Variants in PHLDB3 observed in about 807,000 individuals in gnomAD.
The protein encoded by PHLDB3 is pleckstrin homology like domain family B member 3.
PHLDB3 carries 86 observed loss-of-function variants against 85.7 expected under a neutral mutation model. The observed-to-expected ratio is 1.00, with a 90% CI of 0.84 to 1.20. The LOEUF (loss-of-function observed/expected upper bound fraction) is 1.20. Among genes scored for constraint, PHLDB3 ranks in the 50% most tolerant of loss-of-function variants. The pLI, the probability that PHLDB3 is intolerant of heterozygous loss-of-function variation, is 0.00. For missense variants in PHLDB3, 995 were observed against 873.0 expected, an observed-to-expected ratio of 1.14 and a Z score of -1.76; for synonymous variants, 376 against 349.8, an observed-to-expected ratio of 1.07 and a Z score of -0.83.
At chr19:43,477,278 T>TG (rs1233222917) in intron 15 of PHLDB3, among the ~76,000 whole-genome samples, 1 of 148,276 alleles carries the variant, frequency 6.7e-6, no homozygotes, top group African/African-American at 2.6e-5. Context: ...CCGAGCACTT[T>TG]GGGGGGCCAA....
rs1422169676 is a variant in PHLDB3 at position 43,486,340 on chromosome 19, A to G, written c.1429-18T>C. The G allele has an allele frequency of 3.8e-6, 6 of 1,599,798 alleles. No homozygotes were observed. The East Asian group carries it at 6.7e-5, about 18-fold the overall frequency. The stretch of plus-strand genomic sequence containing the variant: ...GTTCCTTCCTGTGGATTCAGGATGA[A>G]GCACTCAATGAGGATCCCAGCCCAT... On this transcript the variant is annotated intron_variant, in intron 12 of 15. Coordinates refer to ENST00000292140, the MANE Select transcript of PHLDB3 (RefSeq NM_198850.4).
At chr19:43,491,010 C>T (rs1159017560) in intron 9 of PHLDB3, among the ~76,000 whole-genome samples, 1 of 152,202 alleles carries the variant, frequency 6.6e-6, no homozygotes, top group African/African-American at 2.4e-5. Flanking sequence ...AGGTGAGATC[C>T]AGGAGCTAAG....
Position 43,486,886 on chromosome 19 carries a change from C to T in PHLDB3, c.1250-16G>A. 2 of 1,535,274 alleles carry T rather than the reference C, an allele frequency of 1.3e-6. No homozygotes were observed. The highest frequency in any genetic ancestry group is 2.0e-5 in the Admixed American group (1 of 49,634). On this transcript the variant is annotated splice_polypyrimidine_tract_variant and intron_variant, in intron 10 of 15. Transcript: ENST00000292140. Reference sequence around the variant, plus strand: ...TCCAGGGATTCTAGGGTAGAGGGGACCAGGTTACAGGGCTGGATACACCCT... The same window carrying T: ...TCCAGGGATTCTAGGGTAGAGGGGATCAGGTTACAGGGCTGGATACACCCT...
chr19:43,487,574 C>CAAAAAAAAAAAAAAAAAAAAAA (rs760708749), intron 9 of PHLDB3, among the ~76,000 whole-genome samples: 5 of 38,516 alleles, frequency 1.3e-4, no homozygotes, highest in Non-Finnish European at 2.1e-4. Flanking sequence ...GACTCTGTCT[C>CAAAAAAAAAAAAAAAAAAAAAA]AAAAAAAAAA....
chr19:43,501,699 A>G (rs1170450009), intron 4 of PHLDB3, 35 bp downstream of exon 4: 1 of 1,573,432 alleles, frequency 6.4e-7, no homozygotes, highest in African/African-American at 1.3e-5. Flanking sequence ...ACCAGGAAGG[A>G]CACTGCTGAT....
At chr19:43,487,432 G>A (rs535176393) in intron 9 of PHLDB3, among the ~76,000 whole-genome samples, 18 of 151,764 alleles carry the variant, frequency 1.2e-4, no homozygotes, top group South Asian at 4.2e-4. Flanking sequence ...GAAATTAGCC[G>A]GGCATGGTGG....
chr19:43,504,071 G>C lies in PHLDB3; in HGVS notation c.48C>G (p.Val16=), dbSNP rs773993693. 3.1e-6 allele frequency: 5 copies of C among 1,612,936 alleles called. No homozygotes were observed. Among genetic ancestry groups the C allele is most frequent in the Admixed American group, 3.3e-5 (2 of 59,892 alleles). ...GCTGGACCTCCACGTCGCATTCCGG[G>C]ACCAGCGGCGGCGGGGTCCCCTCCT... The part of the protein sequence containing the change: ...SPEEGTPPPL[V]PECDVEVQPQ... The change falls in exon 2 of 16, where the codon GTC becomes GTG. Residue 16 remains valine (V), a synonymous_variant. Coordinates refer to ENST00000292140, the MANE Select transcript of PHLDB3 (RefSeq NM_198850.4).
chr19:43,501,881 G>C lies in PHLDB3; in HGVS notation c.397-10C>G, dbSNP rs1484195474. 4 of 1,585,828 alleles carry C rather than the reference G, an allele frequency of 2.5e-6. No individual in the cohort carries two copies. In the Admixed American group the frequency reaches 7.0e-5, roughly 28 times the overall value. On this transcript the variant is annotated splice_polypyrimidine_tract_variant and intron_variant, in intron 3 of 15. Coordinates refer to ENST00000292140, the MANE Select transcript of PHLDB3 (RefSeq NM_198850.4). ...CCACCTCCACCTCCATCTGCGGAGA[G>C]AATGCCAGGGCTGGGGGCTCGGACG... is the stretch of plus-strand genomic sequence containing the variant.
rs775015233 is a variant in PHLDB3 at position 43,494,712 on chromosome 19, C to G, written c.1139G>C (p.Ser380Thr). 3 of 1,611,382 alleles carry G rather than the reference C, an allele frequency of 1.9e-6. No individual in the cohort carries two copies. In the South Asian group the frequency reaches 3.3e-5, roughly 18 times the overall value. ...CCGTGGGGGAGGCACCTGCAGGGAG[C>G]TGTGGACAGAAAAGAGGCAGGAAGA... ...PTSSCLFSVHSSLQGSIGLQR... is the reference protein window; with the variant it reads ...PTSSCLFSVHTSLQGSIGLQR... The change falls in exon 9 of 16, where the codon AGC (serine) becomes ACC (threonine). Residue 380 changes from serine to threonine, a missense_variant. Ser to Thr is a moderately conservative substitution (Grantham distance 58, BLOSUM62 1). Transcript: ENST00000292140.
chr19:43,504,080 C>A lies in PHLDB3; in HGVS notation c.39G>T (p.Pro13=), dbSNP rs1971689334. 6.2e-7 allele frequency: 1 copy of A among 1,611,530 alleles called. No homozygotes were observed. Among genetic ancestry groups the A allele is most frequent in the African/African-American group, 1.3e-5 (1 of 74,890 alleles). ...CCACGTCGCATTCCGGGACCAGCGGCGGCGGGGTCCCCTCCTCGGGGCTGC... is the reference window on the plus strand; with the variant it reads ...CCACGTCGCATTCCGGGACCAGCGGAGGCGGGGTCCCCTCCTCGGGGCTGC... ...TRSSPEEGTP[P]PLVPECDVEV... The change falls in exon 2 of 16, where the codon CCG becomes CCT. Residue 13 remains proline, a synonymous_variant. Transcript: ENST00000292140.
In PHLDB3 at chr19:43,479,373, T is replaced by C; in HGVS notation, c.1702+4A>G. 1.3e-6 allele frequency: 2 copies of C among 1,557,588 alleles called. No homozygotes were observed. The highest frequency in any genetic ancestry group is 8.7e-7 in the Non-Finnish European group (1 of 1,150,940). The stretch of plus-strand genomic sequence containing the variant: ...GGGGCCCATGGTGGCCAGGCTGGGC[T>C]TACCCGCATAGTAGGCCAAGCGGCG... On this transcript the variant is annotated splice_donor_region_variant and intron_variant, in intron 14 of 15. Coordinates refer to ENST00000292140, the MANE Select transcript of PHLDB3 (RefSeq NM_198850.4).
rs1480859829 is a variant in PHLDB3, at chr19:43,501,432, G to A, written c.534+302C>T. 15 of 392,044 alleles carry A rather than the reference G, an allele frequency of 3.8e-5. No homozygotes were observed. The East Asian group carries it at 6.3e-4, about 16-fold the overall frequency. The allele number at this position is 392,044 out of a possible 1,614,324, so 24.3% of individuals were successfully genotyped here. On this transcript the variant is annotated intron_variant, in intron 4 of 15. Transcript: ENST00000292140. ...ACTCCTGAGCTCAGGCAATCCGCCC[G>A]CCTCGGCCTCCCAAAGTGCTATGAT...
Position 43,478,057 on chromosome 19 carries a change from C to G in PHLDB3, c.1778G>C (p.Cys593Ser). ...ATTGAGGGGCTTCACCTTGAAGGCA[C>G]AGCGTAAGTGGTCATAATAGACTTC... is the stretch of plus-strand genomic sequence containing the variant. ...IEEVYYDHLR[C>S]AFKSPNPRLT... The change falls in exon 15 of 16, where the codon TGT becomes TCT. Residue 593 changes from cysteine (C) to serine (S), a missense_variant. Transcript: ENST00000292140. The G allele has an allele frequency of 2.5e-6, 4 of 1,612,526 alleles. No individual in the cohort carries two copies. The highest frequency in any genetic ancestry group is 3.4e-6 in the Non-Finnish European group (4 of 1,178,726).
In PHLDB3 at chr19:43,491,894, C is replaced by G. The variant is rs1971321645; in HGVS notation, c.1149+2808G>C. ...TCTCCTGACCTTATGACCTGCCTGC[C>G]TCTGCCTCCCAAAGTGCTAGGATTA... On this transcript the variant is annotated intron_variant, in intron 9 of 15. Coordinates refer to ENST00000292140, the MANE Select transcript of PHLDB3 (RefSeq NM_198850.4). 2.0e-5 allele frequency among the ~76,000 whole-genome samples: 3 copies of G among 151,048 alleles called. No homozygotes were observed. In the South Asian group the frequency reaches 6.3e-4, roughly 32 times the overall value.
Position 43,501,875 on chromosome 19 carries a change from C to T in PHLDB3, c.397-4G>A. The T allele has an allele frequency of 1.3e-6, 2 of 1,589,394 alleles. No individual in the cohort carries two copies. Among genetic ancestry groups the T allele is most frequent in the Non-Finnish European group, 1.7e-6 (2 of 1,168,150 alleles). Reference sequence around the variant, plus strand: ...GCAAGGCCACCTCCACCTCCATCTGCGGAGAGAATGCCAGGGCTGGGGGCT... The same window carrying T: ...GCAAGGCCACCTCCACCTCCATCTGTGGAGAGAATGCCAGGGCTGGGGGCT... On this transcript the variant is annotated splice_region_variant and splice_polypyrimidine_tract_variant and intron_variant, in intron 3 of 15. Transcript: ENST00000292140.
chr19:43,479,611 G>T lies in PHLDB3; in HGVS notation c.1486-18C>A, dbSNP rs775341943. On this transcript the variant is annotated intron_variant, in intron 13 of 15. Transcript: ENST00000292140. ...GGTGGGGCCTGGGGAGCAAAGAGAC[G>T]GGGCAGCTGATGTAAGGGGCGGGGG... The T allele has an allele frequency of 2.7e-6, 4 of 1,495,198 alleles. No homozygotes were observed. Among genetic ancestry groups the T allele is most frequent in the South Asian group, 2.4e-5 (2 of 82,848 alleles). 92.6% of individuals were successfully genotyped at this position (1,495,198 alleles called of 1,614,324 possible).
At chr19:43,487,591 A>AAAAAAAAAAAAAACAAAAAAAAAAC (rs1167897767) in intron 9 of PHLDB3, among the ~76,000 whole-genome samples, 1 of 115,814 alleles carries the variant, frequency 8.6e-6, no homozygotes, top group African/African-American at 3.1e-5. Context: ...AAAAAAAAAA[A>AAAAAAAAAAAAAACAAAAAAAAAAC]ACACAGAAAA....
chr19:43,498,312 G>A (rs1971512910), intron 4 of PHLDB3, among the ~76,000 whole-genome samples: 1 of 152,012 alleles, frequency 6.6e-6, no homozygotes, highest in African/African-American at 2.4e-5. Flanking sequence ...GTTCCAGTCT[G>A]GGTGACAGAG....
intron 1 of PHLDB3, 87 bp from the exon 2 acceptor site, chr19:43,504,219 C>CT: frequency 3.3e-6 from 4 of 1,215,994 alleles, no homozygotes; most frequent in Non-Finnish European, 4.5e-6. Context: ...CGCGGAGACC[C>CT]CCCCCCAAGG....
Sources: allele counts gnomAD v4.1 joint callset (sites outside exome capture counted in the v4.1 genomes callset), GRCh38; gene constraint gnomAD v4.1.1; transcripts MANE v1.5; gene names NCBI Gene and HGNC (gene_info 2026-07-23, HGNC 2026-07-21).